The following ALDH1L1 variants were observed in gnomAD, a reference collection of about 807,000 sequenced individuals.
ALDH1L1 encodes cytosolic 10-formyltetrahydrofolate dehydrogenase.
In ALDH1L1, 68 loss-of-function variants were observed where a neutral mutation model predicts 101.1. The observed-to-expected ratio is 0.67, with a 90% CI of 0.55 to 0.82. The LOEUF (loss-of-function observed/expected upper bound fraction) is 0.82, where lower values mean the gene tolerates loss of function less well. Ranked by LOEUF, ALDH1L1 falls within the 40% of genes least tolerant of loss-of-function variation. The probability of loss-of-function intolerance (pLI) is 0.00; values close to 1 mark genes in which losing one functional copy is unlikely to be tolerated. For missense variants in ALDH1L1, 1,087 were observed against 1,172.7 expected, an observed-to-expected ratio of 0.93 and a Z score of 1.07; for synonymous variants, 486 against 470.8, an observed-to-expected ratio of 1.03 and a Z score of -0.42.
At chr3:126,178,380 C>CAAAAAAAAAAAAAGAA (rs2081402886) in intron 1 of ALDH1L1, among the ~76,000 whole-genome samples, 3 of 73,468 alleles carry the variant, frequency 4.1e-5, no homozygotes, top group African/African-American at 8.0e-5. Flanking sequence ...GACCCTGTCT[C>CAAAAAAAAAAAAAGAA]AAAAAAAAAA....
At chr3:126,113,732 G>C (rs562364216) in intron 18 of ALDH1L1, among the ~76,000 whole-genome samples, 1 of 152,334 alleles carries the variant, frequency 6.6e-6, no homozygotes, top group African/African-American at 2.4e-5. Flanking sequence ...CTTAGATAGG[G>C]CCGGGGGCAT....
upstream of ALDH1L1, among the ~76,000 whole-genome samples, chr3:126,185,883 AC>A (rs1207726140): frequency 1.3e-5 from 2 of 152,250 alleles, no homozygotes; most frequent in African/African-American, 2.4e-5. Context: ...ATTCTGACAC[AC>A]ATTACAACAT....
chr3:126,109,930 A>G lies in ALDH1L1; in HGVS notation c.2347+14T>C. 1.9e-6 allele frequency: 3 copies of G among 1,613,170 alleles called. No individual in the cohort carries two copies. Among genetic ancestry groups the G allele is most frequent in the Non-Finnish European group, 2.5e-6 (3 of 1,179,812 alleles). Reference sequence around the variant, plus strand: ...CTCAATTGACCCAAGCGGACCTGACACACTCTGACTCACCTGGCCGAGGGA... The same window carrying G: ...CTCAATTGACCCAAGCGGACCTGACGCACTCTGACTCACCTGGCCGAGGGA... On this transcript the variant is annotated intron_variant, in intron 20 of 22. Transcript: ENST00000393434.
chr3:126,174,499 T>C (rs2081337673), intron 1 of ALDH1L1, among the ~76,000 whole-genome samples: 1 of 152,218 alleles, frequency 6.6e-6, no homozygotes, highest in South Asian at 2.1e-4. Flanking sequence ...ACAGACCACA[T>C]TCTGTGCCAT....
At position 126,158,523 on chromosome 3, in the gene ALDH1L1, C is replaced by T. The variant is rs536698808; in HGVS notation, c.244G>A (p.Val82Ile). ...KYQALGAELN[V>I]LPFCSQFIPM... is the part of the protein sequence containing the mutation. ...ATGAATTGGCTGCAGAAGGGCAGGA[C>T]GTTGAGCTCGGCCCCCAAAGCCTGG... is the stretch of plus-strand genomic sequence containing the variant. The change falls in exon 3 of 23, where the codon GTC (valine) becomes ATC (isoleucine). Residue 82 changes from valine to isoleucine, a missense_variant. By Grantham distance (29) the Val-to-Ile change is conservative. Coordinates refer to ENST00000393434, the MANE Select transcript of ALDH1L1 (RefSeq NM_012190.4). 68 of 1,614,224 alleles carry T rather than the reference C, an allele frequency of 4.2e-5. No homozygotes were observed. In the African/African-American group the frequency reaches 5.2e-4, roughly 12 times the overall value.
chr3:126,114,933 C>A, intron 17 of ALDH1L1: 1 of 522,598 alleles, frequency 1.9e-6, no homozygotes. Context: ...CCTGTGTTCC[C>A]TTCTCTGGGG....
chr3:126,123,425 T>G (rs2080118229), intron 16 of ALDH1L1, among the ~76,000 whole-genome samples: 2 of 151,952 alleles, frequency 1.3e-5, no homozygotes, highest in Admixed American at 1.3e-4. Flanking sequence ...GCCCAGCTAA[T>G]TTTTGTATTT....
intron 12 of ALDH1L1, among the ~76,000 whole-genome samples, chr3:126,134,361 C>T (rs1409847514): frequency 2.0e-5 from 3 of 152,340 alleles, no homozygotes; most frequent in South Asian, 4.1e-4. Context: ...AGGGACCCCA[C>T]GCACGCTGTT....
rs1209794374 is a variant in ALDH1L1, at chr3:126,153,462, A to G, written c.840T>C (p.Phe280=). Reference sequence around the variant, plus strand: ...CCCTTACCATTTTGTCATCATTCCCAAAGAGGATGAGTCCTGCTTTGGTGA... The same window carrying G: ...CCCTTACCATTTTGTCATCATTCCCGAAGAGGATGAGTCCTGCTTTGGTGA... The part of the protein sequence containing the change: ...GVVTKAGLIL[F]GNDDKMLLVK... The change falls in exon 7 of 23, where the codon TTT becomes TTC. Residue 280 remains phenylalanine (F), a synonymous_variant. Coordinates refer to ENST00000393434, the MANE Select transcript of ALDH1L1 (RefSeq NM_012190.4). 2 of 1,614,062 alleles carry G rather than the reference A, an allele frequency of 1.2e-6. No individual in the cohort carries two copies. The highest frequency in any genetic ancestry group is 2.7e-5 in the African/African-American group (2 of 75,040).
At chr3:126,195,033 G>A (rs979088471) in intron 1 of ALDH1L1, among the ~76,000 whole-genome samples, 14 of 151,218 alleles carry the variant, frequency 9.3e-5, no homozygotes, top group African/African-American at 2.7e-4. Context: ...TTTACCATGC[G>A]AGATCCTTTC....
At chr3:126,128,009 G>T (rs1248422347) in intron 14 of ALDH1L1, among the ~76,000 whole-genome samples, 2 of 152,100 alleles carry the variant, frequency 1.3e-5, no homozygotes, top group Non-Finnish European at 2.9e-5. Context: ...GGACACAGGT[G>T]CAAGTGCTCA....
At chr3:126,147,779 C>T (rs1294504998) in intron 8 of ALDH1L1, among the ~76,000 whole-genome samples, 1 of 152,076 alleles carries the variant, frequency 6.6e-6, no homozygotes, top group Admixed American at 6.5e-5. Flanking sequence ...CTGGCACAAG[C>T]ACCCCCGGCT....
chr3:126,113,823 A>G (rs948774825), intron 18 of ALDH1L1, among the ~76,000 whole-genome samples: 2 of 152,184 alleles, frequency 1.3e-5, no homozygotes, highest in Admixed American at 6.5e-5. Flanking sequence ...AACAATACTA[A>G]TGGTGAGAAC....
At chr3:126,164,327 T>C (rs557487777) in intron 1 of ALDH1L1, among the ~76,000 whole-genome samples, 1 of 152,316 alleles carries the variant, frequency 6.6e-6, no homozygotes, top group East Asian at 1.9e-4. Context: ...ATGAACATAT[T>C]GCACCCAGGT....
At chr3:126,192,159 C>T (rs1019256200) in intron 1 of ALDH1L1, among the ~76,000 whole-genome samples, 7 of 152,290 alleles carry the variant, frequency 4.6e-5, no homozygotes, top group South Asian at 4.1e-4. Flanking sequence ...CTTGGTATCA[C>T]GATTTTATTA....
At chr3:126,128,053 G>A (rs552635979) in intron 14 of ALDH1L1, among the ~76,000 whole-genome samples, 3 of 152,254 alleles carry the variant, frequency 2.0e-5, no homozygotes, top group African/African-American at 4.8e-5. Flanking sequence ...TGGGATCCGT[G>A]AGGCCAGCAC....
At chr3:126,191,490 C>T (rs1157624242) in intron 1 of ALDH1L1, among the ~76,000 whole-genome samples, 2 of 152,168 alleles carry the variant, frequency 1.3e-5, no homozygotes, top group Non-Finnish European at 2.9e-5. Flanking sequence ...AAGGTTGGGG[C>T]TGCGGTAAGG....
At chr3:126,123,481 T>G (rs2080119739) in intron 16 of ALDH1L1, among the ~76,000 whole-genome samples, 1 of 151,960 alleles carries the variant, frequency 6.6e-6, no homozygotes, top group African/African-American at 2.4e-5. Context: ...TGGTCTTGAA[T>G]TCCTGACCTC....
intron 2 of ALDH1L1, among the ~76,000 whole-genome samples, 165 bp from the exon 3 acceptor site, chr3:126,158,804 A>G (rs921189305): frequency 3.3e-5 from 5 of 152,182 alleles, no homozygotes; most frequent in Non-Finnish European, 7.3e-5. Flanking sequence ...GCACCAGCCA[A>G]GCATGAGGCT....
Sources: allele counts gnomAD v4.1 joint callset (sites outside exome capture counted in the v4.1 genomes callset), GRCh38; gene constraint gnomAD v4.1.1; transcripts MANE v1.5; gene names NCBI Gene and HGNC (gene_info 2026-07-23, HGNC 2026-07-21).